Variants in CNTNAP2 observed in about 807,000 individuals in gnomAD.
CNTNAP2 encodes contactin associated protein 2.
CNTNAP2 carries 98 observed loss-of-function variants against 155.2 expected under a neutral mutation model. The ratio of observed to expected loss-of-function variants is 0.63; its 90% CI spans 0.54 to 0.75. The LOEUF is 0.75. Among genes scored for constraint, CNTNAP2 ranks in the 30% least tolerant of loss-of-function variants. CNTNAP2 has a pLI of 0.00. For missense variants in CNTNAP2, 1,727 were observed against 1,688.1 expected (o/e 1.02, Z -0.40); for synonymous variants, 651 against 631.2 (o/e 1.03, Z -0.47).
intron 1 of CNTNAP2, among the ~76,000 whole-genome samples, chr7:146,606,283 GT>G (rs1799045730): frequency 6.6e-6 from 1 of 152,106 alleles, no homozygotes; most frequent in Non-Finnish European, 1.5e-5. Context: ...CATTATAGAT[GT>G]AAAAAGTGAC....
intron 9 of CNTNAP2, among the ~76,000 whole-genome samples, chr7:147,313,284 A>G (rs1177591045): frequency 6.6e-6 from 1 of 151,814 alleles, no homozygotes; most frequent in Non-Finnish European, 1.5e-5. Context: ...CCATTTATCA[A>G]TTTTGGCTTT....
chr7:146,359,837 G>A (rs1795057152), intron 1 of CNTNAP2, among the ~76,000 whole-genome samples: 2 of 152,084 alleles, frequency 1.3e-5, no homozygotes, highest in African/African-American at 2.4e-5. Context: ...GGCGTGTGAA[G>A]TTTTGCAGCA....
At chr7:146,511,981 C>A (rs1230515425) in intron 1 of CNTNAP2, among the ~76,000 whole-genome samples, 1 of 151,926 alleles carries the variant, frequency 6.6e-6, no homozygotes, top group Non-Finnish European at 1.5e-5. Context: ...TGTTCTATTT[C>A]CTCATATTTC....
chr7:148,158,528 G>C (rs984047677), intron 17 of CNTNAP2, among the ~76,000 whole-genome samples: 4 of 152,192 alleles, frequency 2.6e-5, no homozygotes, highest in East Asian at 1.9e-4. Context: ...GACAATTTTT[G>C]CTTTTTTTAA....
chr7:148,133,176 G>A (rs1804868548), intron 16 of CNTNAP2, among the ~76,000 whole-genome samples: 1 of 152,094 alleles, frequency 6.6e-6, no homozygotes, highest in African/African-American at 2.4e-5. Context: ...TGATATGCAT[G>A]CTATGGTCGG....
intron 1 of CNTNAP2, among the ~76,000 whole-genome samples, chr7:146,235,269 G>A (rs959685104): frequency 1.3e-5 from 2 of 151,544 alleles, no homozygotes; most frequent in African/African-American, 2.4e-5. Flanking sequence ...GGGTTTTGGG[G>A]GAGGGTGGAG....
chr7:148,003,932 T>C (rs910217770), intron 15 of CNTNAP2, among the ~76,000 whole-genome samples: 4 of 152,202 alleles, frequency 2.6e-5, no homozygotes, highest in African/African-American at 9.6e-5. Context: ...TATGTATATT[T>C]CTTGAATGAA....
chr7:148,080,391 G>A (rs1803571643), intron 15 of CNTNAP2, among the ~76,000 whole-genome samples: 1 of 151,970 alleles, frequency 6.6e-6, no homozygotes, highest in South Asian at 2.1e-4. Context: ...GGATCACGAG[G>A]TCAGGAGATC....
chr7:147,283,102 T>A (rs189567325), intron 8 of CNTNAP2, among the ~76,000 whole-genome samples: 280 of 152,008 alleles, frequency 1.8e-3, no homozygotes, highest in Admixed American at 3.6e-3. Context: ...TTATAATATA[T>A]TAATATCCTA....
rs867426890 is a variant in CNTNAP2, at chr7:146,489,058, A to G, written c.98-285213A>G. Among the ~76,000 whole-genome samples the G allele has an allele frequency of 3.3e-5, 5 of 152,162 alleles. No individual in the cohort carries two copies. The South Asian group carries it at 1.0e-3, about 32-fold the overall frequency. The stretch of plus-strand genomic sequence containing the variant: ...AAGACTGAAGCCACACCTATTTGAA[A>G]TCGCTAAAGTTACCACCCATTTTTC... On this transcript the variant is annotated intron_variant, in intron 1 of 23. Coordinates refer to ENST00000361727, the MANE Select transcript of CNTNAP2 (RefSeq NM_014141.6).
At chr7:147,260,429 A>AT (rs1232032349) in intron 8 of CNTNAP2, among the ~76,000 whole-genome samples, 2 of 152,124 alleles carry the variant, frequency 1.3e-5, no homozygotes. Flanking sequence ...ATGGGGAAAA[A>AT]TTTTTTTAAA....
intron 15 of CNTNAP2, among the ~76,000 whole-genome samples, chr7:148,007,426 T>C (rs886927177): frequency 1.3e-5 from 2 of 152,214 alleles, no homozygotes; most frequent in Non-Finnish European, 2.9e-5. Flanking sequence ...TAATCTGTCT[T>C]ATAAGCTACA....
At chr7:148,178,884 A>T (rs1011689118) in intron 18 of CNTNAP2, among the ~76,000 whole-genome samples, 7 of 152,110 alleles carry the variant, frequency 4.6e-5, no homozygotes, top group Non-Finnish European at 7.4e-5. Flanking sequence ...ATCCTTCCCT[A>T]ATAGCTTTAA....
At chr7:146,453,723 G>A (rs944389545) in intron 1 of CNTNAP2, among the ~76,000 whole-genome samples, 1 of 151,810 alleles carries the variant, frequency 6.6e-6, no homozygotes, top group African/African-American at 2.4e-5. Flanking sequence ...AAAATTAGAG[G>A]TACAGAAGAT....
chr7:147,698,551 A>AT (rs1455124774), intron 13 of CNTNAP2, among the ~76,000 whole-genome samples: 1 of 152,084 alleles, frequency 6.6e-6, no homozygotes, highest in East Asian at 1.9e-4. Context: ...ACATTTTATT[A>AT]TTTAAGTCCA....
At chr7:147,860,604 G>C (rs536780735) in intron 13 of CNTNAP2, among the ~76,000 whole-genome samples, 13 of 119,980 alleles carry the variant, frequency 1.1e-4, no homozygotes, top group Non-Finnish European at 1.9e-4. Flanking sequence ...AAAAAAAAAA[G>C]TGTTTGGCAG....
chr7:147,978,111 C>T (rs1784860332), intron 15 of CNTNAP2, 122 bp downstream of exon 15: 25 of 1,323,532 alleles, frequency 1.9e-5, no homozygotes, highest in Non-Finnish European at 2.3e-5. Context: ...AAACATCACA[C>T]AACCCAAGCA....
intron 13 of CNTNAP2, among the ~76,000 whole-genome samples, chr7:147,795,127 G>A (rs1302115895): frequency 6.7e-6 from 1 of 150,332 alleles, no homozygotes; most frequent in African/African-American, 2.4e-5. Flanking sequence ...CCCTATTCTT[G>A]CCTAGCATTT....
At chr7:146,525,153 A>G (rs1217329849) in intron 1 of CNTNAP2, among the ~76,000 whole-genome samples, 3 of 152,240 alleles carry the variant, frequency 2.0e-5, no homozygotes, top group South Asian at 4.1e-4. Flanking sequence ...TTTTATTATT[A>G]CTTGGTAAAA....
Sources: allele counts gnomAD v4.1 joint callset (sites outside exome capture counted in the v4.1 genomes callset), GRCh38; gene constraint gnomAD v4.1.1; transcripts MANE v1.5; gene names NCBI Gene and HGNC (gene_info 2026-07-23, HGNC 2026-07-21).